Variants in USP48 observed in about 807,000 individuals in gnomAD.
USP48 encodes the protein ubiquitin carboxyl-terminal hydrolase 48.
In USP48, 43 loss-of-function variants were observed where a neutral mutation model predicts 150.7. That is an observed-to-expected ratio of 0.29 (90% confidence interval 0.22 to 0.37). USP48 has a LOEUF of 0.37. Ranked by LOEUF, USP48 falls within the 10% of genes least tolerant of loss-of-function variation. USP48 has a pLI of 1.00. For missense variants in USP48, 813 were observed against 1,249.6 expected, an observed-to-expected ratio of 0.65 and a Z score of 5.27; for synonymous variants, 396 against 425.9, an observed-to-expected ratio of 0.93 and a Z score of 0.86.
intron 9 of USP48, among the ~76,000 whole-genome samples, chr1:21,731,790 AC>A (rs2097757552): frequency 6.6e-6 from 1 of 151,848 alleles, no homozygotes; most frequent in African/African-American, 2.4e-5. Context: ...AATCAGTTGA[AC>A]CCAGGAGGCA....
intron 26 of USP48, 29 bp downstream of exon 26, chr1:21,680,779 A>G: frequency 6.3e-7 from 1 of 1,578,280 alleles, no homozygotes; most frequent in Non-Finnish European, 8.6e-7. Flanking sequence ...TCTGACATTC[A>G]TGAACAAAAC....
chr1:21,679,076 A>G lies in USP48; in HGVS notation c.*341T>C, dbSNP rs1266982763. The G allele has an allele frequency of 2.1e-5, 8 of 387,316 alleles. No individual in the cohort carries two copies. The highest frequency in any genetic ancestry group is 3.8e-5 in the Non-Finnish European group (8 of 210,750). 24.0% of individuals were successfully genotyped at this position (387,316 alleles called of 1,614,324 possible). A position where few individuals can be genotyped will look rare whatever the true frequency, so the allele number is the denominator to read the frequency against. ...TGGTATGAAACTCGAGCAAGGAAAT[A>G]TAACAGAACTTTATTCCCCTCCCAC... On this transcript the variant is annotated 3_prime_UTR_variant, in exon 27 of 27. Coordinates refer to ENST00000308271, the MANE Select transcript of USP48 (RefSeq NM_032236.8).
At chr1:21,744,803 T>G (rs36117988) in intron 8 of USP48, among the ~76,000 whole-genome samples, 6,639 of 74,528 alleles carry the variant, frequency 0.089, 201 homozygotes, top group Middle Eastern at 0.11. Flanking sequence ...AAAAAAAAAA[T>G]GCTAAGCTTT....
chr1:21,678,757 A>G lies in USP48; in HGVS notation c.*660T>C, dbSNP rs1293433059. 3 of 152,402 alleles carry G rather than the reference A, an allele frequency of 2.0e-5. No homozygotes were observed. The highest frequency in any genetic ancestry group is 2.0e-4 in the Admixed American group (3 of 15,282). 9.4% of individuals were successfully genotyped at this position (152,402 alleles called of 1,614,324 possible). On this transcript the variant is annotated 3_prime_UTR_variant, in exon 27 of 27. Transcript: ENST00000308271. ...CTCTGAAGTCAAAACATGAGACATA[A>G]TTCCTTGCTCATTGCAGGAGACATG...
intron 1 of USP48, among the ~76,000 whole-genome samples, chr1:21,760,568 G>A (rs1050186295): frequency 1.3e-5 from 2 of 151,704 alleles, no homozygotes; most frequent in Admixed American, 6.6e-5. Flanking sequence ...ACAAAAATTC[G>A]CCAGGAGTGG....
chr1:21,715,325 G>A, intron 15 of USP48, 64 bp downstream of exon 15: 2 of 1,291,478 alleles, frequency 1.5e-6, no homozygotes, highest in South Asian at 1.3e-5. Context: ...TGAAAGCCAG[G>A]CAGTAGAAGC....
intron 1 of USP48, among the ~76,000 whole-genome samples, chr1:21,758,780 A>C (rs973145758): frequency 1.4e-4 from 21 of 151,932 alleles, no homozygotes; most frequent in Middle Eastern, 3.4e-3. Context: ...TGAATGAATG[A>C]ATGAATGAAT....
chr1:21,752,041 A>C (rs891609768), intron 5 of USP48, among the ~76,000 whole-genome samples: 1 of 151,918 alleles, frequency 6.6e-6, no homozygotes, highest in Admixed American at 6.6e-5. Context: ...AAAGAAAAGA[A>C]ATAAAAACAA....
chr1:21,744,147 C>A (rs1173162723), intron 8 of USP48, among the ~76,000 whole-genome samples: 1 of 152,068 alleles, frequency 6.6e-6, no homozygotes, highest in Non-Finnish European at 1.5e-5. Flanking sequence ...TTGAACTAAT[C>A]AATTTTAAAA....
intron 11 of USP48, among the ~76,000 whole-genome samples, chr1:21,726,864 C>A (rs1349906943): frequency 1.3e-5 from 2 of 151,724 alleles, no homozygotes; most frequent in Non-Finnish European, 2.9e-5. Context: ...CTGGAGATAC[C>A]GGACTATATG....
chr1:21,765,947 G>C (rs2097861199), intron 1 of USP48, among the ~76,000 whole-genome samples: 1 of 142,012 alleles, frequency 7.0e-6, no homozygotes, highest in African/African-American at 2.8e-5. Context: ...AGGCAATTCA[G>C]TGGGAATAGG....
chr1:21,689,217 C>CTT (rs11403689), intron 24 of USP48, among the ~76,000 whole-genome samples: 45 of 133,258 alleles, frequency 3.4e-4, no homozygotes, highest in Non-Finnish European at 5.7e-4. Flanking sequence ...CCATTTTTTG[C>CTT]TTTTTTTTTT....
At chr1:21,708,983 C>A (rs1466916699) in intron 15 of USP48, among the ~76,000 whole-genome samples, 3 of 151,586 alleles carry the variant, frequency 2.0e-5, no homozygotes, top group African/African-American at 7.3e-5. Flanking sequence ...GATCATAGCT[C>A]ACTGCAGCCT....
At chr1:21,747,621 G>A (rs1424493419) in intron 7 of USP48, among the ~76,000 whole-genome samples, 1 of 151,878 alleles carries the variant, frequency 6.6e-6, no homozygotes, top group Non-Finnish European at 1.5e-5. Flanking sequence ...TGCCCAGGCC[G>A]GAGTACAATG....
In USP48 at chr1:21,695,185, G is replaced by C. The variant is rs2097623366; in HGVS notation, c.2764C>G (p.Gln922Glu). 1.2e-6 allele frequency: 2 copies of C among 1,612,354 alleles called. No homozygotes were observed. The highest frequency in any genetic ancestry group is 8.5e-7 in the Non-Finnish European group (1 of 1,179,520). Residue 922 changes from glutamine (Q) to glutamate (E), a missense_variant, in exon 23 of 27, where the codon CAA (glutamine) becomes GAA (glutamate). Coordinates refer to ENST00000308271, the MANE Select transcript of USP48 (RefSeq NM_032236.8). ...GGTKRQKISH[Q>E]NYIAYQKQVI... ...TGCTTTTGATAGGCTATATAATTTT[G>C]ATGGGATATCTTTTGCCGCTTTGTT...
chr1:21,725,489 C>T (rs934347907), intron 11 of USP48, among the ~76,000 whole-genome samples: 9 of 152,124 alleles, frequency 5.9e-5, no homozygotes, highest in East Asian at 1.9e-4. Context: ...TGGTGGCTCA[C>T]GCCTGTAATC....
chr1:21,688,569 G>A (rs540130478), intron 24 of USP48, among the ~76,000 whole-genome samples: 9 of 151,500 alleles, frequency 5.9e-5, no homozygotes, highest in East Asian at 2.0e-4. Flanking sequence ...GAGGCCTGGC[G>A]CAGTGGCTCA....
rs543416313 is a variant in USP48, at chr1:21,766,728, G to A, written c.135-8945C>T. Among the ~76,000 whole-genome samples, 3 of 152,012 alleles carry A rather than the reference G, an allele frequency of 2.0e-5. No homozygotes were observed. In the South Asian group the frequency reaches 6.2e-4, roughly 32 times the overall value. On this transcript the variant is annotated intron_variant, in intron 1 of 26. Transcript: ENST00000308271. ...TTATGAGATGGAGTGTCGTTCTGTT[G>A]CCCAGGCTGGAGTGCACTGCAACCT...
chr1:21,758,755 AAATGAATGAATGAATG>A (rs71569846), intron 1 of USP48, among the ~76,000 whole-genome samples: 12 of 149,996 alleles, frequency 8.0e-5, no homozygotes, highest in South Asian at 2.1e-4. Context: ...GTCTTGGAAA[AAATGAATGAATGAATG>A]AATGAATGAA....
Sources: allele counts gnomAD v4.1 joint callset (sites outside exome capture counted in the v4.1 genomes callset), GRCh38; gene constraint gnomAD v4.1.1; transcripts MANE v1.5; gene names NCBI Gene and HGNC (gene_info 2026-07-23, HGNC 2026-07-21).